The following HIPK1 variants were observed in gnomAD, a reference collection of about 807,000 sequenced individuals.
HIPK1 encodes the protein homeodomain-interacting protein kinase 1.
HIPK1 carries 28 observed loss-of-function variants against 117.1 expected under a neutral mutation model. That is an observed-to-expected ratio of 0.24 (90% CI 0.18 to 0.33). HIPK1 has a LOEUF of 0.33. Among genes scored for constraint, HIPK1 ranks in the 10% least tolerant of loss-of-function variants. HIPK1 has a pLI of 1.00. For synonymous variants in HIPK1, 605 were observed against 562.5 expected (o/e 1.08, Z -1.07); for missense variants, 1,122 against 1,475.1 (o/e 0.76, Z 3.92).
At chr1:113,930,990 C>A (rs865915606) in intron 1 of HIPK1, 2 of 152,238 alleles carry the variant, frequency 1.3e-5, no homozygotes, top group African/African-American at 4.8e-5. Flanking sequence ...ATAATACTTT[C>A]AGCTATAGAC....
rs1448054111 is a variant in HIPK1 at position 113,941,510 on chromosome 1, T to C, written c.1076+51T>C. The C allele has an allele frequency of 2.2e-6, 3 of 1,347,640 alleles. No homozygotes were observed. The highest frequency in any genetic ancestry group is 3.1e-6 in the Non-Finnish European group (3 of 961,912). 83.5% of individuals were successfully genotyped at this position (1,347,640 alleles called of 1,614,324 possible). A position where few individuals can be genotyped will look rare whatever the true frequency, so the allele number is the denominator to read the frequency against. ...ATCTTAGGCTAGAGTTCTGTCCTTA[T>C]ATTTAACATATACCCCGTAGGCTAC... On this transcript the variant is annotated intron_variant, in intron 2 of 15. Transcript: ENST00000426820. This position sits in a 1 kb window ranked among gnomAD's most constrained non-coding sequence, Gnocchi z 4.9.
chr1:113,938,927 A>ATACACACACAC (rs60152674), intron 1 of HIPK1, among the ~76,000 whole-genome samples: 8 of 118,412 alleles, frequency 6.8e-5, no homozygotes, highest in East Asian at 5.1e-4. Context: ...AAAAAAAAAA[A>ATACACACACAC]ATACACACAC....
At position 113,961,586 on chromosome 1, in the gene HIPK1, T is replaced by C. The variant is rs572068785; in HGVS notation, c.1982-731T>C. Among the ~76,000 whole-genome samples, 4 of 152,358 alleles carry C rather than the reference T, an allele frequency of 2.6e-5. No individual in the cohort carries two copies. In the South Asian group the frequency reaches 6.2e-4, roughly 24 times the overall value. On this transcript the variant is annotated intron_variant, in intron 8 of 15. Transcript: ENST00000426820. ...TTCTTATCTAATTCACTAAAAGTTATACTTAAGCCTTTGCTTTTAAAGATT... is the reference window on the plus strand; with the variant it reads ...TTCTTATCTAATTCACTAAAAGTTACACTTAAGCCTTTGCTTTTAAAGATT...
At chr1:113,971,191 CAA>C (rs1491380581) in intron 14 of HIPK1, among the ~76,000 whole-genome samples, 3 of 152,198 alleles carry the variant, frequency 2.0e-5, no homozygotes, top group Admixed American at 6.5e-5. Flanking sequence ...CCATTGCAGA[CAA>C]GAGAGAGAGC....
intron 2 of HIPK1, among the ~76,000 whole-genome samples, chr1:113,944,168 T>TTG (rs1184189152): frequency 8.0e-6 from 1 of 125,750 alleles, no homozygotes; most frequent in Non-Finnish European, 1.6e-5. Flanking sequence ...GGTTTTTTTT[T>TTG]TTTTTTTTTT....
At chr1:113,948,745 T>A (rs1356713647) in intron 2 of HIPK1, among the ~76,000 whole-genome samples, 2 of 152,186 alleles carry the variant, frequency 1.3e-5, no homozygotes, top group African/African-American at 2.4e-5. Flanking sequence ...TTTTTTTTTT[T>A]AATTAAATGG....
intron 1 of HIPK1, chr1:113,929,825 C>G (rs1212619194): frequency 1.0e-6 from 1 of 986,156 alleles, no homozygotes; most frequent in East Asian, 1.1e-4. Context: ...GGCCGGGGCC[C>G]GGGCCGGCTC....
intron 1 of HIPK1, among the ~76,000 whole-genome samples, chr1:113,938,958 ACACAC>A (rs1670456076): frequency 7.0e-6 from 1 of 143,560 alleles, no homozygotes; most frequent in Admixed American, 7.0e-5. Flanking sequence ...ACACACACAC[ACACAC>A]TTAGGAGATG....
rs1337138609 is a variant in HIPK1, at chr1:113,974,371, G to A, written c.*859G>A. 6.5e-6 allele frequency: 1 copy of A among 152,702 alleles called. No homozygotes were observed. The highest frequency in any genetic ancestry group is 1.5e-5 in the Non-Finnish European group (1 of 68,012). 9.5% of individuals were successfully genotyped at this position (152,702 alleles called of 1,614,324 possible). On this transcript the variant is annotated 3_prime_UTR_variant, in exon 16 of 16. Coordinates refer to ENST00000426820, the MANE Select transcript of HIPK1 (RefSeq NM_198268.3). ...CAGCTTAAATTTTTTTATCGAAAAAGCCATTAAGGTGGTTATTATTACATG... is the reference window on the plus strand; with the variant it reads ...CAGCTTAAATTTTTTTATCGAAAAAACCATTAAGGTGGTTATTATTACATG...
At chr1:113,936,180 G>A (rs545813638) in intron 1 of HIPK1, among the ~76,000 whole-genome samples, 141 of 152,258 alleles carry the variant, frequency 9.3e-4, no homozygotes, top group African/African-American at 3.1e-3. Flanking sequence ...GAACCCCGGT[G>A]GTCTGATACT....
chr1:113,945,095 C>T (rs947881575), intron 2 of HIPK1, among the ~76,000 whole-genome samples: 9 of 152,026 alleles, frequency 5.9e-5, no homozygotes, highest in South Asian at 2.1e-4. Context: ...GTGATATGCC[C>T]GCCTCGGCAA....
At chr1:113,966,863 A>G (rs1327369633) in intron 11 of HIPK1, among the ~76,000 whole-genome samples, 1 of 150,384 alleles carries the variant, frequency 6.6e-6, no homozygotes, top group Non-Finnish European at 1.5e-5. Flanking sequence ...GTACCCATTA[A>G]CCATCCCTAC....
At chr1:113,951,197 A>G (rs1004109370) in intron 2 of HIPK1, 13 of 973,432 alleles carry the variant, frequency 1.3e-5, no homozygotes, top group Non-Finnish European at 2.4e-6. Flanking sequence ...AGTGTTACCT[A>G]TTATTTTCTT....
rs760614257 is a variant in HIPK1 at position 113,956,754 on chromosome 1, C to T, written c.1535C>T (p.Thr512Ile). Residue 512 changes from threonine to isoleucine, a missense_variant, in exon 6 of 16, where the codon ACT becomes ATT. Thr to Ile is a moderately conservative substitution (Grantham distance 89, BLOSUM62 -1). Coordinates refer to ENST00000426820, the MANE Select transcript of HIPK1 (RefSeq NM_198268.3). Reference sequence around the variant, plus strand: ...GATAAGAGAATTACCCCTCTAAAAACTCTTAACCATCAGTTTGTGACAATG... The same window carrying T: ...GATAAGAGAATTACCCCTCTAAAAATTCTTAACCATCAGTTTGTGACAATG... ...DADKRITPLK[T>I]LNHQFVTMTH... 6.2e-7 allele frequency: 1 copy of T among 1,614,052 alleles called. No individual in the cohort carries two copies. The highest frequency in any genetic ancestry group is 1.7e-5 in the Admixed American group (1 of 60,012).
intron 1 of HIPK1, 161 bp downstream of exon 1, chr1:113,929,693 C>T (rs531711140): frequency 1.4e-5 from 12 of 845,424 alleles, no homozygotes; most frequent in Non-Finnish European, 1.8e-5. Flanking sequence ...GAGGCCGAGG[C>T]GGGAGCGCGC....
In HIPK1 at chr1:113,930,293, G is replaced by A. The variant is rs571745098; in HGVS notation, c.-3+761G>A. On this transcript the variant is annotated intron_variant, in intron 1 of 15. Coordinates refer to ENST00000426820, the MANE Select transcript of HIPK1 (RefSeq NM_198268.3). ...CCGGCTGTCGTGGCAGGTTCCCAGT[G>A]TGTGGCTTGTGCGTGTGTACTTCAC... Among the ~76,000 whole-genome samples, 16 of 152,384 alleles carry A rather than the reference G, an allele frequency of 1.0e-4. 1 individual carries two copies. In the South Asian group the frequency reaches 3.1e-3, roughly 30 times the overall value.
At chr1:113,954,855 T>C in intron 4 of HIPK1, 85 bp downstream of exon 4, 1 of 1,263,124 alleles carries the variant, frequency 7.9e-7, no homozygotes, top group Non-Finnish European at 1.1e-6. Context: ...TATTAAATTC[T>C]TCAGGTAGAG....
Position 113,940,411 on chromosome 1 carries a change from C to G in HIPK1, c.28C>G (p.Pro10Ala), listed in dbSNP as rs768361016. 2.5e-6 allele frequency: 4 copies of G among 1,609,472 alleles called. No individual in the cohort carries two copies. The highest frequency in any genetic ancestry group is 3.4e-6 in the Non-Finnish European group (4 of 1,177,414). MASQLQVFS[P>A]PSVSSSAFCS... Reference sequence around the variant, plus strand: ...GGCATCACAGCTGCAAGTGTTTTCGCCCCCATCAGTGTCGTCGAGTGCCTT... The same window carrying G: ...GGCATCACAGCTGCAAGTGTTTTCGGCCCCATCAGTGTCGTCGAGTGCCTT... The change falls in exon 2 of 16, where the codon CCC becomes GCC. Residue 10 changes from proline (P) to alanine (A), a missense_variant. By Grantham distance (27) the Pro-to-Ala change is conservative (BLOSUM62 -1). Coordinates refer to ENST00000426820, the MANE Select transcript of HIPK1 (RefSeq NM_198268.3).
At chr1:113,951,141 G>A (rs1671336289) in intron 2 of HIPK1, 1 of 737,554 alleles carries the variant, frequency 1.4e-6, no homozygotes, top group Non-Finnish European at 1.7e-6. Context: ...ACAGTGCATG[G>A]CACATAGTAG....
Sources: allele counts gnomAD v4.1 joint callset (sites outside exome capture counted in the v4.1 genomes callset), GRCh38; gene constraint gnomAD v4.1.1; non-coding constraint Gnocchi (gnomAD v3.1); transcripts MANE v1.5; gene names NCBI Gene and HGNC (gene_info 2026-07-23, HGNC 2026-07-21).